Variants in LAMC3 observed in about 807,000 individuals in gnomAD.
The protein encoded by LAMC3 is laminin subunit gamma-3.
A neutral mutation model predicts 173.8 loss-of-function variants in LAMC3; 128 were observed. That is an observed-to-expected ratio of 0.74 (90% CI 0.64 to 0.85). The LOEUF (loss-of-function observed/expected upper bound fraction) is 0.85. Ranked by LOEUF, LAMC3 falls within the 40% of genes least tolerant of loss-of-function variation. The pLI is 0.00. For missense variants in LAMC3, 2,022 were observed against 2,156.0 expected (o/e 0.94, Z 1.23); for synonymous variants, 897 against 909.1 (o/e 0.99, Z 0.24).
At position 131,066,948 on chromosome 9, in the gene LAMC3, C is replaced by G. The variant is rs2133311936; in HGVS notation, c.2348-12C>G. 1 of 1,613,352 alleles carries G rather than the reference C, an allele frequency of 6.2e-7. No individual in the cohort carries two copies. Among genetic ancestry groups the G allele is most frequent in the Non-Finnish European group, 8.5e-7 (1 of 1,179,934 alleles). ...CAGCTGTGTTCCCCACACGTGCTCC[C>G]TCTACACACAGGGCGGCGCTGTGAG... On this transcript the variant is annotated splice_polypyrimidine_tract_variant and intron_variant, in intron 13 of 27. Coordinates refer to ENST00000361069, the MANE Select transcript of LAMC3 (RefSeq NM_006059.4).
intron 1 of LAMC3, among the ~76,000 whole-genome samples, chr9:131,024,707 G>C (rs190683213): frequency 2.6e-4 from 40 of 152,304 alleles, no homozygotes; most frequent in African/African-American, 9.1e-4. Context: ...TCATTCATTC[G>C]TTCCTGCACC....
Position 131,041,688 on chromosome 9 carries a change from T to A in LAMC3, c.1335T>A (p.Ser445Arg), listed in dbSNP as rs1834060834. The change falls in exon 7 of 28, where the codon AGT becomes AGA. Residue 445 changes from serine (S) to arginine (R), a missense_variant. Transcript: ENST00000361069. Reference sequence around the variant, plus strand: ...GCCTGGACACCTGTGACCCCCGCAGTGGGCGCTGCCCCTGCAAAGAGAATG... The same window carrying A: ...GCCTGGACACCTGTGACCCCCGCAGAGGGCGCTGCCCCTGCAAAGAGAATG... ...AGSLDTCDPR[S>R]GRCPCKENVE... The A allele has an allele frequency of 6.2e-7, 1 of 1,613,994 alleles. No homozygotes were observed. Among genetic ancestry groups the A allele is most frequent in the African/African-American group, 1.3e-5 (1 of 74,944 alleles).
At chr9:131,015,730 A>G (rs1833509033) in intron 1 of LAMC3, among the ~76,000 whole-genome samples, 1 of 152,184 alleles carries the variant, frequency 6.6e-6, no homozygotes, top group South Asian at 2.1e-4. Flanking sequence ...ATCTCAGCTC[A>G]CTGCAACCTC....
chr9:131,036,676 G>T (rs1358766255), intron 4 of LAMC3, among the ~76,000 whole-genome samples: 1 of 152,154 alleles, frequency 6.6e-6, no homozygotes, highest in Admixed American at 6.5e-5. Context: ...CAAGCAAGGG[G>T]GTGCTGATGG....
rs1167429701 is a variant in LAMC3, at chr9:131,091,570, C to A, written c.4511C>A (p.Ala1504Asp). 1 of 1,588,446 alleles carries A rather than the reference C, an allele frequency of 6.3e-7. No individual in the cohort carries two copies. The highest frequency in any genetic ancestry group is 8.6e-7 in the Non-Finnish European group (1 of 1,167,710). ...GACACCCATCAAGCCCCAGCCCAGG[C>A]CCTGAACGAGACTCAGTGGGCACTA... ...SLDTHQAPAQ[A>D]LNETQWALER... The change falls in exon 28 of 28, where the codon GCC becomes GAC. Residue 1504 changes from alanine (A) to aspartate (D), a missense_variant. Physicochemically the swap from Ala to Asp is moderately radical, Grantham distance 126 (BLOSUM62 -2). Transcript: ENST00000361069.
At chr9:131,038,230 C>T (rs1259724254) in intron 4 of LAMC3, among the ~76,000 whole-genome samples, 10 of 152,212 alleles carry the variant, frequency 6.6e-5, no homozygotes, top group African/African-American at 9.7e-5. Context: ...TCTTTCGGCT[C>T]CCAAAGCCCC....
intron 13 of LAMC3, among the ~76,000 whole-genome samples, chr9:131,062,956 A>G (rs928634601): frequency 2.0e-5 from 3 of 151,814 alleles, no homozygotes; most frequent in African/African-American, 7.3e-5. Context: ...CTCTGTCTCT[A>G]TGAATTTGAC....
At chr9:131,039,991 A>T (rs962498308) in intron 6 of LAMC3, among the ~76,000 whole-genome samples, 6 of 151,004 alleles carry the variant, frequency 4.0e-5, no homozygotes, top group Non-Finnish European at 8.8e-5. Flanking sequence ...AAAACAAAAC[A>T]AAAACCTATG....
chr9:131,071,917 G>C (rs1219289132), intron 18 of LAMC3, among the ~76,000 whole-genome samples: 1 of 152,232 alleles, frequency 6.6e-6, no homozygotes, highest in African/African-American at 2.4e-5. Flanking sequence ...GGGTCTTGCT[G>C]TCTTGATTCT....
intron 1 of LAMC3, among the ~76,000 whole-genome samples, chr9:131,015,607 C>T (rs1474147382): frequency 2.0e-5 from 3 of 152,154 alleles, no homozygotes; most frequent in Non-Finnish European, 2.9e-5. Context: ...CAAGGGCCCC[C>T]GTGTGCAAAG....
intron 13 of LAMC3, among the ~76,000 whole-genome samples, chr9:131,062,529 T>C (rs1829850462): frequency 6.6e-6 from 1 of 151,948 alleles, no homozygotes; most frequent in African/African-American, 2.4e-5. Context: ...CACTCATCCA[T>C]CTCTAGAACT....
At position 131,087,641 on chromosome 9, in the gene LAMC3, C is replaced by T. The variant is rs1830355269; in HGVS notation, c.4377+19C>T. On this transcript the variant is annotated intron_variant, in intron 26 of 27. Coordinates refer to ENST00000361069, the MANE Select transcript of LAMC3 (RefSeq NM_006059.4). ...TGAGCGGGTACGTTTGCCAGGGCCC[C>T]TACCCTATCGCCTCCTGCCCCTGGC... 1.2e-6 allele frequency: 2 copies of T among 1,613,682 alleles called. No individual in the cohort carries two copies. Among genetic ancestry groups the T allele is most frequent in the Admixed American group, 1.7e-5 (1 of 59,996 alleles).
chr9:131,015,461 C>G (rs907759370), intron 1 of LAMC3, among the ~76,000 whole-genome samples: 1 of 152,142 alleles, frequency 6.6e-6, no homozygotes, highest in African/African-American at 2.4e-5. Context: ...CAGCTCATGC[C>G]CTGGCTTTGC....
chr9:131,051,001 T>C (rs1448695767), intron 9 of LAMC3, among the ~76,000 whole-genome samples: 3 of 152,094 alleles, frequency 2.0e-5, no homozygotes, highest in Admixed American at 6.5e-5. Flanking sequence ...GGCCACCAGC[T>C]CCCGGGGCTC....
intron 12 of LAMC3, among the ~76,000 whole-genome samples, 158 bp downstream of exon 12, chr9:131,057,305 T>A (rs983035959): frequency 6.6e-6 from 1 of 152,270 alleles, no homozygotes; most frequent in African/African-American, 2.4e-5. Flanking sequence ...GCTCAGTGCC[T>A]GGGCACCTCA....
intron 7 of LAMC3, among the ~76,000 whole-genome samples, chr9:131,043,990 G>A (rs1834102809): frequency 7.1e-6 from 1 of 141,100 alleles, no homozygotes; most frequent in African/African-American, 2.7e-5. Context: ...ACGGAGTTTC[G>A]CTCTTTTGCT....
chr9:131,021,773 C>G (rs1833629707), intron 1 of LAMC3, among the ~76,000 whole-genome samples: 1 of 152,178 alleles, frequency 6.6e-6, no homozygotes, highest in Admixed American at 6.5e-5. Flanking sequence ...CCCATGACCC[C>G]TTCTTTGGGT....
chr9:131,062,974 A>C (rs1297972112), intron 13 of LAMC3, among the ~76,000 whole-genome samples: 1 of 152,090 alleles, frequency 6.6e-6, no homozygotes, highest in East Asian at 1.9e-4. Flanking sequence ...GACTGCTCCC[A>C]GTATTCCATT....
At chr9:131,064,042 G>A (rs1220414392) in intron 13 of LAMC3, among the ~76,000 whole-genome samples, 2 of 152,108 alleles carry the variant, frequency 1.3e-5, no homozygotes, top group Non-Finnish European at 2.9e-5. Flanking sequence ...CGAGTAGCTA[G>A]GATTACAGGC....
Sources: gnomAD v4.1 joint callset for allele counts (sites outside exome capture counted in the v4.1 genomes callset) on GRCh38, gnomAD v4.1.1 for gene constraint, MANE v1.5 for transcripts, NCBI Gene and HGNC (gene_info 2026-07-23, HGNC 2026-07-21) for gene names.